The following MYO16 variants were observed in gnomAD, a reference collection of about 807,000 sequenced individuals.
MYO16 encodes the protein myosin XVI, also known as unconventional myosin-XVI.
MYO16 carries 94 observed loss-of-function variants against 205.3 expected under a neutral mutation model. That is an observed-to-expected ratio of 0.46 (90% CI 0.39 to 0.54). The LOEUF (loss-of-function observed/expected upper bound fraction) is 0.54, where lower values mean the gene tolerates loss of function less well. Ranked by LOEUF, MYO16 falls within the 20% of genes least tolerant of loss-of-function variation. The probability of loss-of-function intolerance (pLI) is 0.00; values close to 1 mark genes in which losing one functional copy is unlikely to be tolerated. For synonymous variants in MYO16, 988 were observed against 954.0 expected (o/e 1.04, Z -0.66); for missense variants, 2,315 against 2,387.5 (o/e 0.97, Z 0.63).
At chr13:108,908,195 AC>A (rs1266209502) in intron 15 of MYO16, among the ~76,000 whole-genome samples, 2 of 151,788 alleles carry the variant, frequency 1.3e-5, no homozygotes, top group African/African-American at 4.8e-5. Context: ...GCTCCACACC[AC>A]CCCCATTCTA....
intron 23 of MYO16, among the ~76,000 whole-genome samples, chr13:109,022,685 A>C (rs1297305707): frequency 5.7e-5 from 3 of 52,526 alleles, no homozygotes; most frequent in East Asian, 6.0e-4. Context: ...TACACATATA[A>C]ACATGTATAT....
intron 3 of MYO16, among the ~76,000 whole-genome samples, chr13:108,723,396 G>T (rs1170627211): frequency 1.3e-5 from 2 of 151,930 alleles, no homozygotes; most frequent in African/African-American, 2.4e-5. Flanking sequence ...CTGATAGGCT[G>T]CATTTTTAGT....
At chr13:108,856,617 C>CT (rs1878185535) in intron 11 of MYO16, among the ~76,000 whole-genome samples, 1 of 149,440 alleles carries the variant, frequency 6.7e-6, no homozygotes, top group Non-Finnish European at 1.5e-5. Flanking sequence ...ATTTTTTCAT[C>CT]TTTTTTCCCA....
chr13:108,705,238 C>G (rs769579137), intron 2 of MYO16, among the ~76,000 whole-genome samples: 1 of 152,160 alleles, frequency 6.6e-6, no homozygotes, highest in Non-Finnish European at 1.5e-5. Flanking sequence ...TGTACACTAC[C>G]TACATGTTAA....
At chr13:108,965,864 A>G (rs921963858) in intron 20 of MYO16, among the ~76,000 whole-genome samples, 1 of 152,234 alleles carries the variant, frequency 6.6e-6, no homozygotes, top group Admixed American at 6.5e-5. Flanking sequence ...ACAAGTCTTC[A>G]CGTACTTGTC....
At chr13:108,938,219 C>G (rs1234155619) in intron 16 of MYO16, among the ~76,000 whole-genome samples, 3 of 152,032 alleles carry the variant, frequency 2.0e-5, no homozygotes, top group Non-Finnish European at 4.4e-5. Context: ...AGGTTTTATG[C>G]TGAACTTTGC....
chr13:108,949,904 G>T (rs989562018), intron 16 of MYO16, among the ~76,000 whole-genome samples: 1 of 151,582 alleles, frequency 6.6e-6, no homozygotes, highest in African/African-American at 2.4e-5. Flanking sequence ...GTGATTTTTT[G>T]ATGAACATAC....
intron 17 of MYO16, among the ~76,000 whole-genome samples, chr13:108,960,806 A>G (rs1019867164): frequency 8.5e-5 from 13 of 152,214 alleles, no homozygotes; most frequent in Non-Finnish European, 1.8e-4. Context: ...CATTCTTGCC[A>G]AAAAATGACT....
At chr13:108,781,932 T>C (rs1320241242) in intron 4 of MYO16, among the ~76,000 whole-genome samples, 1 of 152,186 alleles carries the variant, frequency 6.6e-6, no homozygotes, top group Non-Finnish European at 1.5e-5. Flanking sequence ...TCCCCAGCCA[T>C]GTGGAACTGT....
the MYO16 span, among the ~76,000 whole-genome samples, chr13:108,502,794 T>G: frequency 1.3e-5 from 2 of 152,252 alleles, no homozygotes; most frequent in African/African-American, 2.4e-5. Flanking sequence ...AATCATTTCA[T>G]GAGCTCTCAA....
chr13:108,565,774 C>A, the MYO16 span, among the ~76,000 whole-genome samples: 6 of 152,066 alleles, frequency 3.9e-5, no homozygotes, highest in Non-Finnish European at 5.9e-5. Flanking sequence ...AGAGAAAAGG[C>A]TTTTAGTTTT....
Position 109,204,058 on chromosome 13 carries a change from T to A in MYO16, c.5416-2551T>A, listed in dbSNP as rs113502949. ...AGGAAAAAAGCAGCTGGTAATTATCTGTTCACCTCAAAAAGCTTCACTCCA... is the reference window on the plus strand; with the variant it reads ...AGGAAAAAAGCAGCTGGTAATTATCAGTTCACCTCAAAAAGCTTCACTCCA... On this transcript the variant is annotated intron_variant, in intron 34 of 34. Coordinates refer to ENST00000457511, the MANE Select transcript of MYO16 (RefSeq NM_001198950.3). Among the ~76,000 whole-genome samples, 822 of 152,342 alleles carry A rather than the reference T, an allele frequency of 5.4e-3. 9 individuals carry two copies. Among genetic ancestry groups the A allele is most frequent in the African/African-American group, 0.018 (761 of 41,574 alleles).
At chr13:108,780,359 TAA>T (rs34109900) in intron 4 of MYO16, among the ~76,000 whole-genome samples, 115 of 145,130 alleles carry the variant, frequency 7.9e-4, no homozygotes, top group African/African-American at 2.1e-3. Context: ...ACGTCTGATT[TAA>T]AAAAAAAAAA....
chr13:108,836,667 T>C (rs1398508796), intron 9 of MYO16, among the ~76,000 whole-genome samples: 1 of 152,194 alleles, frequency 6.6e-6, no homozygotes, highest in Non-Finnish European at 1.5e-5. Context: ...ACCTCTTGCA[T>C]CAGTGTAACC....
the MYO16 span, among the ~76,000 whole-genome samples, chr13:108,566,940 C>T: frequency 5.3e-5 from 8 of 152,084 alleles, no homozygotes; most frequent in African/African-American, 1.9e-4. Flanking sequence ...AGGATAGAAG[C>T]ATAATGAATG....
At chr13:108,691,655 AGC>A (rs1882902084) in intron 2 of MYO16, among the ~76,000 whole-genome samples, 1 of 152,142 alleles carries the variant, frequency 6.6e-6, no homozygotes, top group Non-Finnish European at 1.5e-5. Context: ...CTCCCGCCTC[AGC>A]CTCTCATGTT....
intron 4 of MYO16, among the ~76,000 whole-genome samples, chr13:108,734,318 G>C (rs1884621224): frequency 6.6e-6 from 1 of 151,918 alleles, no homozygotes; most frequent in Non-Finnish European, 1.5e-5. Context: ...GTAATAGCAG[G>C]AAGTGTGCAA....
chr13:109,079,060 T>G (rs2139665692), intron 27 of MYO16, among the ~76,000 whole-genome samples: 1 of 29,016 alleles, frequency 3.4e-5, no homozygotes, highest in East Asian at 6.5e-4. Context: ...CCGAAACTCT[T>G]AACTGGTTGG....
In MYO16 at chr13:109,127,735, TTAGGGAA is replaced by T; in HGVS notation, c.4051+186_4051+192del. The T allele has an allele frequency of 1.6e-6, 1 of 612,164 alleles. No individual in the cohort carries two copies. The highest frequency in any genetic ancestry group is 2.6e-6 in the Non-Finnish European group (1 of 377,682). 37.9% of individuals were successfully genotyped at this position (612,164 alleles called of 1,614,324 possible). A position where few individuals can be genotyped will look rare whatever the true frequency, so the allele number is the denominator to read the frequency against. ...ATATTTATTCAAATCTCTAAGCCTC[TTAGGGAA>T]AAGCTACTTACATGGCATTTCCTTA... is the stretch of plus-strand genomic sequence containing the variant. On this transcript the variant is annotated intron_variant, in intron 31 of 34. Transcript: ENST00000457511. The surrounding 1 kb of genome is among the most constrained non-coding windows in gnomAD (Gnocchi z 4.2).
Sources: gnomAD v4.1 joint callset for allele counts (sites outside exome capture counted in the v4.1 genomes callset) on GRCh38, gnomAD v4.1.1 for gene constraint, Gnocchi (gnomAD v3.1) non-coding constraint, MANE v1.5 for transcripts, NCBI Gene and HGNC (gene_info 2026-07-23, HGNC 2026-07-21) for gene names.